Variants in NBEAL1 observed in about 807,000 individuals in gnomAD.
NBEAL1 encodes the protein neurobeachin-like protein 1.
NBEAL1 carries 273 observed loss-of-function variants against 351.3 expected under a neutral mutation model. That is an observed-to-expected ratio of 0.78 (90% CI 0.70 to 0.86). NBEAL1 has a LOEUF of 0.86. NBEAL1 is among the 40% of genes least tolerant of loss of function. The pLI, the probability that NBEAL1 is intolerant of heterozygous loss-of-function variation, is 0.00. For missense variants in NBEAL1, 2,961 were observed against 3,201.3 expected, an observed-to-expected ratio of 0.92 and a Z score of 1.81; for synonymous variants, 1,050 against 1,086.4, an observed-to-expected ratio of 0.97 and a Z score of 0.66.
chr2:203,032,112 C>T (rs1029213317), intron 2 of NBEAL1, among the ~76,000 whole-genome samples: 5 of 152,122 alleles, frequency 3.3e-5, no homozygotes, highest in Admixed American at 6.5e-5. Context: ...ATAGAAGGCT[C>T]TTGCGAACTA....
At chr2:203,097,861 G>A (rs1453756182) in intron 11 of NBEAL1, among the ~76,000 whole-genome samples, 3 of 152,080 alleles carry the variant, frequency 2.0e-5, no homozygotes, top group Non-Finnish European at 2.9e-5. Context: ...TTCCCTCTAC[G>A]TGTGTATGGT....
intron 49 of NBEAL1, among the ~76,000 whole-genome samples, chr2:203,200,309 G>A (rs1483875071): frequency 1.3e-5 from 2 of 152,198 alleles, no homozygotes; most frequent in African/African-American, 2.4e-5. Context: ...TCAGGAGATC[G>A]AGACCATCTT....
chr2:203,153,006 C>A lies in NBEAL1; in HGVS notation c.5587+1417C>A, dbSNP rs562643412. 2.6e-5 allele frequency among the ~76,000 whole-genome samples: 4 copies of A among 152,196 alleles called. No homozygotes were observed. The South Asian group carries it at 8.3e-4, about 32-fold the overall frequency. ...TGAGCTGATATCGCGTCTTTGCACT[C>A]CAGCCTGGGTGACAAGAGCAAAACT... On this transcript the variant is annotated intron_variant, in intron 35 of 55. Transcript: ENST00000683969.
At chr2:203,132,976 C>T (rs1202084871) in intron 26 of NBEAL1, 82 bp from the exon 27 acceptor site, 4 of 633,504 alleles carry the variant, frequency 6.3e-6, no homozygotes, top group African/African-American at 5.8e-5. Context: ...ATTATTTCAG[C>T]ATTTTATACA....
Position 203,197,332 on chromosome 2 carries a change from G to A in NBEAL1, c.7069G>A (p.Ala2357Thr), listed in dbSNP as rs1305546483. The A allele has an allele frequency of 2.5e-6, 4 of 1,602,640 alleles. No individual in the cohort carries two copies. The highest frequency in any genetic ancestry group is 2.2e-5 in the East Asian group (1 of 44,800). Residue 2357 changes from alanine to threonine, a missense_variant, in exon 48 of 56, where the codon GCC (alanine) becomes ACC (threonine). Coordinates refer to ENST00000683969, the MANE Select transcript of NBEAL1 (RefSeq NM_001378026.1). ...GISDGIPLLK[A>T]TIPKNQYRSF... Reference sequence around the variant, plus strand: ...TAGTGATGGTATTCCACTATTAAAGGCCACCATCCCCAAAAATCAGTATCG... The same window carrying A: ...TAGTGATGGTATTCCACTATTAAAGACCACCATCCCCAAAAATCAGTATCG...
intron 43 of NBEAL1, chr2:203,180,995 G>A (rs759606287): frequency 7.8e-6 from 1 of 128,186 alleles, no homozygotes; most frequent in Non-Finnish European, 1.5e-5. Context: ...GGAATGCAGT[G>A]CTGTGATCAC....
rs1481296761 is a variant in NBEAL1, at chr2:203,062,280, A to C, written c.515+4827A>C. ...GGTCTTCCCATTTGTTTTCTGTAGA[A>C]GCCAAATTCCTGAAGGTTTCCTGCG... On this transcript the variant is annotated intron_variant, in intron 6 of 55. Transcript: ENST00000683969. This position sits in a 1 kb window ranked among gnomAD's most constrained non-coding sequence, Gnocchi z 4.2. 2.1e-6 allele frequency: 1 copy of C among 467,480 alleles called. No homozygotes were observed. Among genetic ancestry groups the C allele is most frequent in the Admixed American group, 2.3e-5 (1 of 43,248 alleles). 29.0% of individuals were successfully genotyped at this position (467,480 alleles called of 1,614,324 possible). A position where few individuals can be genotyped will look rare whatever the true frequency, so the allele number is the denominator to read the frequency against.
intron 54 of NBEAL1, among the ~76,000 whole-genome samples, chr2:203,213,300 A>G: frequency 6.6e-6 from 1 of 152,298 alleles, no homozygotes; most frequent in Middle Eastern, 3.4e-3. Context: ...AGAAAAATAG[A>G]TGTCAAAAAT....
At chr2:203,063,938 G>GA (rs1258848156) in intron 6 of NBEAL1, among the ~76,000 whole-genome samples, 3 of 151,706 alleles carry the variant, frequency 2.0e-5, no homozygotes, top group South Asian at 2.1e-4. Flanking sequence ...TGGAGTTGGG[G>GA]AAAAAAAACA....
At position 203,188,201 on chromosome 2, in the gene NBEAL1, T is replaced by A. The variant is rs538283251; in HGVS notation, c.6706-271T>A. 4.6e-5 allele frequency among the ~76,000 whole-genome samples: 7 copies of A among 152,302 alleles called. No homozygotes were observed. The South Asian group carries it at 6.2e-4, about 14-fold the overall frequency. ...AGCTCTTTTGCTGTTGTTTTTGGGC[T>A]GTTATAAGCATATTTGTGTTTTATT... On this transcript the variant is annotated intron_variant, in intron 44 of 55. Transcript: ENST00000683969.
intron 33 of NBEAL1, among the ~76,000 whole-genome samples, chr2:203,147,133 T>G (rs753814366): frequency 9.2e-5 from 14 of 152,156 alleles, no homozygotes; most frequent in Non-Finnish European, 1.9e-4. Flanking sequence ...CTCACCACTG[T>G]TAGTTACTGT....
intron 3 of NBEAL1, among the ~76,000 whole-genome samples, chr2:203,048,584 C>G (rs1029861052): frequency 6.6e-6 from 1 of 152,034 alleles, no homozygotes; most frequent in Non-Finnish European, 1.5e-5. Flanking sequence ...CATCTCCTCT[C>G]GGAACACAGA....
intron 42 of NBEAL1, among the ~76,000 whole-genome samples, chr2:203,177,721 A>G (rs1193106969): frequency 6.6e-6 from 1 of 152,126 alleles, no homozygotes; most frequent in East Asian, 1.9e-4. Context: ...GTTCCTCAAA[A>G]AGTTAAATAT....
rs1367382910 is a variant in NBEAL1 at position 203,112,058 on chromosome 2, A to C, written c.2162A>C (p.Gln721Pro). ...GTCTATATCTATGACAATGGACAAC[A>C]GAAGGTTTCTGCCCCTCTCAGATTT... ...SFVYIYDNGQ[Q>P]KVSAPLRFPA... Residue 721 changes from glutamine to proline, a missense_variant, in exon 16 of 56, where the codon CAG becomes CCG. Gln to Pro is a moderately conservative substitution (Grantham distance 76). Coordinates refer to ENST00000683969, the MANE Select transcript of NBEAL1 (RefSeq NM_001378026.1). 1 of 1,552,720 alleles carries C rather than the reference A, an allele frequency of 6.4e-7. No homozygotes were observed.
chr2:203,186,502 T>C (rs896909087), intron 44 of NBEAL1, among the ~76,000 whole-genome samples: 18 of 152,176 alleles, frequency 1.2e-4, no homozygotes, highest in Admixed American at 5.2e-4. Context: ...AGTAAGGACA[T>C]GCTCTCAGAT....
At chr2:203,094,846 G>T (rs1241789410) in intron 10 of NBEAL1, among the ~76,000 whole-genome samples, 5 of 152,156 alleles carry the variant, frequency 3.3e-5, no homozygotes, top group Admixed American at 1.3e-4. Flanking sequence ...AATAGGCCAG[G>T]CTCAGTGGCT....
At chr2:203,208,461 A>C (rs1296252091) in intron 51 of NBEAL1, among the ~76,000 whole-genome samples, 176 bp from the exon 52 acceptor site, 2 of 152,202 alleles carry the variant, frequency 1.3e-5, no homozygotes, top group Admixed American at 6.5e-5. Flanking sequence ...TGAGATGGAG[A>C]ATAATTCAGA....
chr2:203,136,431 C>T (rs1194938307), intron 28 of NBEAL1, among the ~76,000 whole-genome samples, 168 bp from the exon 29 acceptor site: 1 of 152,124 alleles, frequency 6.6e-6, no homozygotes, highest in Non-Finnish European at 1.5e-5. Context: ...GAGAGCAAAG[C>T]TAATGTCTTA....
chr2:203,110,716 T>TAAATAA (rs1387132496), intron 15 of NBEAL1, among the ~76,000 whole-genome samples: 240 of 73,746 alleles, frequency 3.3e-3, no homozygotes, highest in East Asian at 0.017. Flanking sequence ...TAAATAAATA[T>TAAATAA]ATAGAACGTT....
Sources: allele counts gnomAD v4.1 joint callset (sites outside exome capture counted in the v4.1 genomes callset), GRCh38; gene constraint gnomAD v4.1.1; non-coding constraint Gnocchi (gnomAD v3.1); transcripts MANE v1.5; gene names NCBI Gene and HGNC (gene_info 2026-07-23, HGNC 2026-07-21).